Variants in TET3 observed in about 807,000 individuals in gnomAD.
The protein encoded by TET3 is methylcytosine dioxygenase TET3.
In TET3, 19 loss-of-function variants were observed where a neutral mutation model predicts 141.4. The observed-to-expected ratio is 0.13, with a 90% CI of 0.09 to 0.20. The LOEUF is 0.20. Ranked by LOEUF, TET3 falls within the 10% of genes least tolerant of loss-of-function variation. TET3 has a pLI of 1.00. For missense variants in TET3, 1,874 were observed against 2,356.9 expected, an observed-to-expected ratio of 0.80 and a Z score of 4.24; for synonymous variants, 1,043 against 980.9, an observed-to-expected ratio of 1.06 and a Z score of -1.18.
intron 3 of TET3, among the ~76,000 whole-genome samples, chr2:74,013,840 CT>C (rs1484840158): frequency 1.3e-5 from 2 of 152,056 alleles, no homozygotes; most frequent in Non-Finnish European, 2.9e-5. Flanking sequence ...TAATTCCATT[CT>C]TTTATGAGGG....
Position 74,105,625 on chromosome 2 carries a change from C to A in TET3, c.*3449C>A. ...TGCGTGGAAAGAGATGATACCCCACCGCCCCCTCTTGGTCCTTCCACCAGC... is the reference window on the plus strand; with the variant it reads ...TGCGTGGAAAGAGATGATACCCCACAGCCCCCTCTTGGTCCTTCCACCAGC... On this transcript the variant is annotated 3_prime_UTR_variant, in exon 12 of 12. Transcript: ENST00000409262. 2.7e-6 allele frequency: 1 copy of A among 375,882 alleles called. No homozygotes were observed. Among genetic ancestry groups the A allele is most frequent in the East Asian group, 3.9e-5 (1 of 25,898 alleles). 23.3% of individuals were successfully genotyped at this position (375,882 alleles called of 1,614,324 possible).
chr2:74,068,712 CT>C (rs1689040656), intron 4 of TET3, among the ~76,000 whole-genome samples: 1 of 152,194 alleles, frequency 6.6e-6, no homozygotes, highest in African/African-American at 2.4e-5. Context: ...ATTCTTTATA[CT>C]GCCTGTATCC....
intron 2 of TET3, among the ~76,000 whole-genome samples, chr2:73,989,613 A>G (rs1684223828): frequency 6.6e-6 from 1 of 151,782 alleles, no homozygotes; most frequent in African/African-American, 2.4e-5. Flanking sequence ...CAGGTCCCCC[A>G]GGGATGGGCC....
chr2:74,131,774 C>T, the TET3 span, among the ~76,000 whole-genome samples: 30,525 of 152,038 alleles, frequency 0.2, 3,340 homozygotes, highest in East Asian at 0.38. Flanking sequence ...AATCAAAAAG[C>T]TAGGAGGTGG....
intron 2 of TET3, among the ~76,000 whole-genome samples, chr2:73,988,141 G>T (rs905251402): frequency 2.6e-5 from 4 of 152,176 alleles, no homozygotes; most frequent in African/African-American, 9.7e-5. Context: ...TCTGTTGCTG[G>T]TGTTGGGGGT....
chr2:74,112,930 C>G (rs1691736373), downstream of TET3, among the ~76,000 whole-genome samples: 1 of 144,676 alleles, frequency 6.9e-6, no homozygotes, highest in African/African-American at 2.6e-5. Flanking sequence ...GATATGGGAC[C>G]CGAGAGGCAG....
chr2:74,024,654 G>A (rs73948289), intron 3 of TET3, among the ~76,000 whole-genome samples: 3,844 of 152,166 alleles, frequency 0.025, 158 homozygotes, highest in African/African-American at 0.087. Context: ...CCAGCCATTT[G>A]TCAGTGACTG....
chr2:74,111,437 G>A (rs1221564047), downstream of TET3, among the ~76,000 whole-genome samples: 11 of 152,138 alleles, frequency 7.2e-5, no homozygotes, highest in African/African-American at 2.7e-4. Context: ...CCTGACACCT[G>A]CCAAGTCTAG....
At chr2:74,112,830 G>A (rs999248269), downstream of TET3, among the ~76,000 whole-genome samples, 4 of 151,600 alleles carry the variant, frequency 2.6e-5, no homozygotes, top group South Asian at 2.1e-4. Flanking sequence ...GTGAAAGCCC[G>A]TCTCTACCAA....
intron 3 of TET3, among the ~76,000 whole-genome samples, chr2:74,009,323 A>C (rs1244393871): frequency 6.6e-6 from 1 of 152,188 alleles, no homozygotes; most frequent in East Asian, 1.9e-4. Context: ...CTGAGCTGAG[A>C]ACCCTGCCTG....
rs943222529 is a variant in TET3, at chr2:74,025,051, G to A, written c.361-21227G>A. On this transcript the variant is annotated intron_variant, in intron 3 of 11. Coordinates refer to ENST00000409262, the MANE Select transcript of TET3 (RefSeq NM_001287491.2). ...ATCCTGGCTAACACAGTGAAACCCC[G>A]TCTCTACTAAAAATACAAAAAAGTT... Among the ~76,000 whole-genome samples the A allele has an allele frequency of 3.3e-5, 5 of 151,368 alleles. No homozygotes were observed. In the South Asian group the frequency reaches 8.3e-4, roughly 25 times the overall value.
intron 4 of TET3, among the ~76,000 whole-genome samples, chr2:74,064,718 A>G (rs920911594): frequency 3.3e-5 from 5 of 152,188 alleles, no homozygotes; most frequent in Non-Finnish European, 7.3e-5. Flanking sequence ...TTTTCAATAA[A>G]TATACTGGAA....
At chr2:74,013,681 G>A (rs561181321) in intron 3 of TET3, among the ~76,000 whole-genome samples, 2 of 152,078 alleles carry the variant, frequency 1.3e-5, no homozygotes, top group Admixed American at 1.3e-4. Context: ...GCGTGGTGGC[G>A]GGTGCTTGTA....
the TET3 span, among the ~76,000 whole-genome samples, chr2:74,128,372 A>C: frequency 1.3e-5 from 2 of 152,246 alleles, no homozygotes; most frequent in African/African-American, 4.8e-5. Flanking sequence ...ACTAAGGCTT[A>C]CCAAAAATAA....
In TET3 at chr2:74,083,470, C is replaced by T. The variant is rs79103577; in HGVS notation, c.2679+2879C>T. ...GCTGTGGGAAGACAGGGTTGGGGTT[C>T]TGCTGGGGGTTATGTTACTCTTGGT... On this transcript the variant is annotated intron_variant, in intron 6 of 11. Coordinates refer to ENST00000409262, the MANE Select transcript of TET3 (RefSeq NM_001287491.2). 9.3e-3 allele frequency among the ~76,000 whole-genome samples: 1,415 copies of T among 152,278 alleles called. 5 individuals are homozygous for T. The highest frequency in any genetic ancestry group is 0.015 in the Non-Finnish European group (997 of 68,016).
chr2:74,000,791 T>C (rs1684810298), intron 2 of TET3, among the ~76,000 whole-genome samples: 1 of 152,202 alleles, frequency 6.6e-6, no homozygotes, highest in Admixed American at 6.5e-5. Flanking sequence ...AGTCCTTCCG[T>C]TGCCCTGTTA....
At chr2:74,043,424 G>T (rs1458305933) in intron 3 of TET3, among the ~76,000 whole-genome samples, 1 of 152,196 alleles carries the variant, frequency 6.6e-6, no homozygotes, top group Non-Finnish European at 1.5e-5. Flanking sequence ...GACCCTGCCT[G>T]CCTGGAGCCA....
intron 2 of TET3, among the ~76,000 whole-genome samples, chr2:73,990,552 A>G (rs114808657): frequency 0.012 from 1,811 of 152,276 alleles, 14 homozygotes; most frequent in Middle Eastern, 0.024. Context: ...GGAAGTAAAT[A>G]ACTATTAGAG....
In TET3 at chr2:74,100,386, T is replaced by TC; in HGVS notation, c.3605-3dup. On this transcript the variant is annotated splice_region_variant and splice_polypyrimidine_tract_variant and intron_variant, in intron 11 of 11. Coordinates refer to ENST00000409262, the MANE Select transcript of TET3 (RefSeq NM_001287491.2). ...CCCCTCTGCCATCTTGCCTTCTGTT[T>TC]CCCCAGGCCTGTCTCTGAAGGGTGG... 1 of 1,554,964 alleles carries TC rather than the reference T, an allele frequency of 6.4e-7. No individual in the cohort carries two copies. Among genetic ancestry groups the TC allele is most frequent in the Non-Finnish European group, 8.7e-7 (1 of 1,148,330 alleles).
Sources: allele counts gnomAD v4.1 joint callset (sites outside exome capture counted in the v4.1 genomes callset), GRCh38; gene constraint gnomAD v4.1.1; transcripts MANE v1.5; gene names NCBI Gene and HGNC (gene_info 2026-07-23, HGNC 2026-07-21).